Variants in PCDH15 observed in about 807,000 individuals in gnomAD.
PCDH15 encodes the protein protocadherin-15.
A neutral mutation model predicts 178.5 loss-of-function variants in PCDH15; 129 were observed. That is an observed-to-expected ratio of 0.72 (90% CI 0.63 to 0.84). PCDH15 has a LOEUF of 0.84. Ranked by LOEUF, PCDH15 falls within the 40% of genes least tolerant of loss-of-function variation. PCDH15 has a pLI of 0.00. For missense variants in PCDH15, 2,230 were observed against 2,099.9 expected, an observed-to-expected ratio of 1.06 and a Z score of -1.21; for synonymous variants, 800 against 732.0, an observed-to-expected ratio of 1.09 and a Z score of -1.50.
At chr10:55,163,530 A>T (rs1591956232) in intron 2 of PCDH15, among the ~76,000 whole-genome samples, 1 of 152,092 alleles carries the variant, frequency 6.6e-6, no homozygotes, top group Non-Finnish European at 1.5e-5. Context: ...TACCCAGGAG[A>T]TTAGACCTTC....
At chr10:55,011,504 C>T (rs1201218659) in intron 2 of PCDH15, among the ~76,000 whole-genome samples, 3 of 152,004 alleles carry the variant, frequency 2.0e-5, no homozygotes, top group Non-Finnish European at 4.4e-5. Context: ...TACTCTCAAT[C>T]CCTGATACAC....
chr10:54,227,053 C>T (rs191933994), intron 9 of PCDH15, among the ~76,000 whole-genome samples: 69 of 152,244 alleles, frequency 4.5e-4, no homozygotes, highest in African/African-American at 1.5e-3. Flanking sequence ...TCCAGAGGTA[C>T]TGTGTAAGCT....
chr10:55,199,310 G>A (rs765490777), intron 1 of PCDH15, among the ~76,000 whole-genome samples: 19 of 152,090 alleles, frequency 1.2e-4, no homozygotes, highest in Admixed American at 2.0e-4. Flanking sequence ...AGAGATTGGT[G>A]GCATTGTGCC....
chr10:55,510,020 T>A (rs1262990140), intron 2 of PCDH15, among the ~76,000 whole-genome samples: 1 of 151,940 alleles, frequency 6.6e-6, no homozygotes, highest in African/African-American at 2.4e-5. Context: ...AATGAAAACT[T>A]CACCACTATC....
intron 28 of PCDH15, among the ~76,000 whole-genome samples, chr10:53,847,063 T>C (rs561058845): frequency 5.5e-4 from 84 of 152,176 alleles, no homozygotes; most frequent in Admixed American, 1.6e-3. Flanking sequence ...TTGTGGAAAT[T>C]ACTTAACTTT....
At chr10:54,788,547 T>C (rs1443220550) in intron 1 of PCDH15, among the ~76,000 whole-genome samples, 3 of 151,880 alleles carry the variant, frequency 2.0e-5, no homozygotes, top group Non-Finnish European at 2.9e-5. Context: ...AGAAAGTATA[T>C]CTGAGAACAT....
At chr10:54,531,191 C>T (rs2083883647) in intron 2 of PCDH15, among the ~76,000 whole-genome samples, 1 of 152,144 alleles carries the variant, frequency 6.6e-6, no homozygotes, top group Non-Finnish European at 1.5e-5. Context: ...TATTTAATTT[C>T]ACCCTTGACT....
At chr10:54,815,600 C>T (rs901925180) in intron 3 of PCDH15, among the ~76,000 whole-genome samples, 14 of 152,010 alleles carry the variant, frequency 9.2e-5, no homozygotes, top group African/African-American at 3.4e-4. Context: ...TTCAGGTTCT[C>T]ATGTATTTTT....
intron 2 of PCDH15, among the ~76,000 whole-genome samples, chr10:55,466,369 T>A (rs1839831107): frequency 6.6e-6 from 1 of 152,154 alleles, no homozygotes; most frequent in South Asian, 2.1e-4. Context: ...GTTTAATATC[T>A]AATTGGAGGT....
intron 2 of PCDH15, among the ~76,000 whole-genome samples, chr10:54,651,907 G>T (rs537503178): frequency 6.6e-6 from 1 of 151,256 alleles, no homozygotes; most frequent in African/African-American, 2.4e-5. Flanking sequence ...TGTGACAAAG[G>T]TGTAAAATTA....
At chr10:55,222,850 G>A (rs528152521) in intron 1 of PCDH15, among the ~76,000 whole-genome samples, 2 of 150,810 alleles carry the variant, frequency 1.3e-5, no homozygotes, top group Non-Finnish European at 2.9e-5. Flanking sequence ...TAAAATTTGG[G>A]CATCTTGAAT....
chr10:54,204,610 A>AATAAGCT (rs1233133446), intron 10 of PCDH15, among the ~76,000 whole-genome samples: 22 of 151,760 alleles, frequency 1.4e-4, no homozygotes, highest in Non-Finnish European at 3.1e-4. Flanking sequence ...TTACTAAAAA[A>AATAAGCT]ATAAGCTATG....
intron 2 of PCDH15, among the ~76,000 whole-genome samples, chr10:55,058,842 AC>A (rs1841366299): frequency 6.6e-6 from 1 of 152,150 alleles, no homozygotes; most frequent in Non-Finnish European, 1.5e-5. Flanking sequence ...ATTGAACTTC[AC>A]AAAACCCTGT....
At chr10:54,830,477 C>T (rs533962164) in intron 3 of PCDH15, among the ~76,000 whole-genome samples, 83 of 151,828 alleles carry the variant, frequency 5.5e-4, no homozygotes, top group Non-Finnish European at 9.7e-4. Context: ...AGCAAACTAT[C>T]GCAAGGACAA....
chr10:55,083,291 AG>A (rs1842089113), intron 2 of PCDH15, among the ~76,000 whole-genome samples: 1 of 152,050 alleles, frequency 6.6e-6, no homozygotes, highest in South Asian at 2.1e-4. Context: ...AACAGAATAA[AG>A]GACAAAAAAC....
chr10:55,483,431 C>T lies in PCDH15; in HGVS notation c.-156+144194G>A, dbSNP rs567054678. Among the ~76,000 whole-genome samples the T allele has an allele frequency of 1.2e-4, 18 of 151,766 alleles. No individual in the cohort carries two copies. In the East Asian group the frequency reaches 2.0e-3, roughly 16 times the overall value. ...AAAGCCACAATGTGATGCCATCTAA[C>T]GCCAGTCAGAATGGTCATTAAAAAT... On this transcript the variant is annotated intron_variant, in intron 2 of 5. Coordinates refer to the PCDH15 transcript ENST00000613346.
intron 21 of PCDH15, among the ~76,000 whole-genome samples, chr10:53,979,571 T>C (rs1290297497): frequency 6.6e-6 from 1 of 152,226 alleles, no homozygotes; most frequent in Non-Finnish European, 1.5e-5. Context: ...AATTTTCGCA[T>C]TGACAGCTTC....
intron 1 of PCDH15, among the ~76,000 whole-genome samples, chr10:54,721,144 A>C (rs1298163967): frequency 6.6e-6 from 1 of 152,060 alleles, no homozygotes. Flanking sequence ...CATTTGTGTA[A>C]GCAACAAAAT....
At chr10:54,272,449 T>G (rs2058107266) in intron 8 of PCDH15, among the ~76,000 whole-genome samples, 1 of 152,096 alleles carries the variant, frequency 6.6e-6, no homozygotes, top group Non-Finnish European at 1.5e-5. Context: ...TAAAATTATT[T>G]CTGTCAGATA....
Sources: gnomAD v4.1 joint callset for allele counts (sites outside exome capture counted in the v4.1 genomes callset) on GRCh38, gnomAD v4.1.1 for gene constraint, MANE v1.5 for transcripts, NCBI Gene and HGNC (gene_info 2026-07-23, HGNC 2026-07-21) for gene names.